The following CEP112 variants were observed in gnomAD, a reference collection of about 807,000 sequenced individuals.
The protein encoded by CEP112 is centrosomal protein 112, also known as centrosomal protein of 112 kDa.
In CEP112, 127 loss-of-function variants were observed where a neutral mutation model predicts 153.0. That is an observed-to-expected ratio of 0.83 (90% CI 0.72 to 0.96). CEP112 has a LOEUF of 0.96. Ranked by LOEUF, CEP112 falls within the 40% of genes least tolerant of loss-of-function variation. CEP112 has a pLI of 0.00. For missense variants in CEP112, 1,089 were observed against 1,101.2 expected, an observed-to-expected ratio of 0.99 and a Z score of 0.16; for synonymous variants, 358 against 374.4, an observed-to-expected ratio of 0.96 and a Z score of 0.51.
chr17:65,712,289 T>C (rs745920084), intron 23 of CEP112, among the ~76,000 whole-genome samples: 8 of 152,220 alleles, frequency 5.3e-5, no homozygotes, highest in Non-Finnish European at 7.3e-5. Flanking sequence ...GGGGCAATTA[T>C]GATCATTTCT....
intron 22 of CEP112, among the ~76,000 whole-genome samples, chr17:65,744,587 G>A (rs1005275071): frequency 6.6e-6 from 1 of 152,178 alleles, no homozygotes; most frequent in Non-Finnish European, 1.5e-5. Context: ...GTATTGCAGG[G>A]AAGTTTATAC....
chr17:66,011,898 T>C (rs1185953583), intron 16 of CEP112, among the ~76,000 whole-genome samples: 4 of 152,184 alleles, frequency 2.6e-5, no homozygotes, highest in Non-Finnish European at 1.5e-5. Flanking sequence ...TGAGTCTGGG[T>C]GCTCCTGTAT....
At chr17:65,850,086 G>A (rs1037957893) in intron 21 of CEP112, among the ~76,000 whole-genome samples, 9 of 149,280 alleles carry the variant, frequency 6.0e-5, no homozygotes, top group South Asian at 4.3e-4. Context: ...CCCAGGTGCC[G>A]GAAGTTGCAG....
At chr17:66,072,769 A>T (rs779634999) in intron 8 of CEP112, among the ~76,000 whole-genome samples, 9 of 152,136 alleles carry the variant, frequency 5.9e-5, no homozygotes, top group Non-Finnish European at 1.0e-4. Context: ...CATCTCTGGA[A>T]ACTCTTACCT....
At chr17:65,951,001 A>G (rs537171444) in intron 18 of CEP112, among the ~76,000 whole-genome samples, 23 of 152,074 alleles carry the variant, frequency 1.5e-4, no homozygotes, top group Admixed American at 1.2e-3. Flanking sequence ...CAATCACGTG[A>G]TTTTTTCCCT....
At position 65,993,089 on chromosome 17, in the gene CEP112, C is replaced by G. The variant is rs1892368919; in HGVS notation, c.1736+12601G>C. On this transcript the variant is annotated intron_variant, in intron 17 of 26. Transcript: ENST00000535342. ...AGCTATTTTTCCTAATGCTCTCTCTCCCCCACCTCACCCCCTAACAGGGCC... is the reference window on the plus strand; with the variant it reads ...AGCTATTTTTCCTAATGCTCTCTCTGCCCCACCTCACCCCCTAACAGGGCC... 5.3e-5 allele frequency among the ~76,000 whole-genome samples: 8 copies of G among 152,222 alleles called. No homozygotes were observed. The South Asian group carries it at 1.7e-3, about 32-fold the overall frequency.
chr17:66,069,322 C>T (rs1451299185), intron 9 of CEP112, among the ~76,000 whole-genome samples: 1 of 151,890 alleles, frequency 6.6e-6, no homozygotes, highest in Non-Finnish European at 1.5e-5. Context: ...ATAGTAACAA[C>T]CCAAATCCCA....
intron 17 of CEP112, among the ~76,000 whole-genome samples, chr17:65,992,901 A>G (rs930811839): frequency 5.3e-5 from 8 of 151,560 alleles, no homozygotes; most frequent in Non-Finnish European, 1.2e-4. Context: ...TGGAAGGCTT[A>G]ATTCTTCCCA....
At chr17:65,890,323 T>TCTTCATATATTA (rs2059419253) in intron 20 of CEP112, among the ~76,000 whole-genome samples, 1 of 152,210 alleles carries the variant, frequency 6.6e-6, no homozygotes, top group South Asian at 2.1e-4. Flanking sequence ...CTCAACATGG[T>TCTTCATATATTA]ACGTGTTCTT....
rs371601452 is a variant in CEP112, at chr17:65,668,582, C to T, written c.2697+20547G>A. Among the ~76,000 whole-genome samples, 8 of 152,270 alleles carry T rather than the reference C, an allele frequency of 5.3e-5. No individual in the cohort carries two copies. The East Asian group carries it at 5.8e-4, about 11-fold the overall frequency. ...AAACCACCTGCCTGTATGTGGCTTTCGGGAAGCAACATTCCTGTGATCACA... is the reference window on the plus strand; with the variant it reads ...AAACCACCTGCCTGTATGTGGCTTTTGGGAAGCAACATTCCTGTGATCACA... On this transcript the variant is annotated intron_variant, in intron 24 of 26. Coordinates refer to ENST00000535342, the MANE Select transcript of CEP112 (RefSeq NM_001199165.4).
chr17:65,640,820 C>A, intron 25 of CEP112, 144 bp downstream of exon 25: 1 of 571,678 alleles, frequency 1.7e-6, no homozygotes, highest in Non-Finnish European at 3.1e-6. Context: ...AAATTTAAAA[C>A]AAAATGAAAA....
intron 4 of CEP112, among the ~76,000 whole-genome samples, chr17:66,133,783 T>C (rs2070308878): frequency 6.6e-6 from 1 of 152,228 alleles, no homozygotes; most frequent in Non-Finnish European, 1.5e-5. Flanking sequence ...AACTGTGACC[T>C]ACACGAAGTA....
chr17:66,071,346 A>G, intron 8 of CEP112, among the ~76,000 whole-genome samples: 1 of 152,136 alleles, frequency 6.6e-6, no homozygotes. Context: ...TTTTGCAGAA[A>G]GGAGGCTAGA....
At chr17:65,858,024 T>C (rs1021614364) in intron 20 of CEP112, among the ~76,000 whole-genome samples, 1 of 152,220 alleles carries the variant, frequency 6.6e-6, no homozygotes, top group African/African-American at 2.4e-5. Context: ...TTGACATTTG[T>C]TGGCATTTAT....
chr17:65,813,384 T>G (rs1054925026), intron 21 of CEP112, among the ~76,000 whole-genome samples: 1 of 152,124 alleles, frequency 6.6e-6, no homozygotes, highest in African/African-American at 2.4e-5. Flanking sequence ...CAGAGCCTCG[T>G]TGGGAAATGA....
chr17:65,945,207 A>G (rs1446532482), intron 18 of CEP112, among the ~76,000 whole-genome samples: 1 of 152,178 alleles, frequency 6.6e-6, no homozygotes, highest in East Asian at 1.9e-4. Context: ...TATTAGGTAG[A>G]TTTGTAGACT....
intron 21 of CEP112, among the ~76,000 whole-genome samples, chr17:65,769,663 G>A (rs913784963): frequency 6.6e-6 from 1 of 152,034 alleles, no homozygotes; most frequent in Non-Finnish European, 1.5e-5. Flanking sequence ...ACACAGTGAG[G>A]AAAAGATAGT....
chr17:65,842,076 T>C (rs1040055641), intron 21 of CEP112, among the ~76,000 whole-genome samples: 2 of 152,216 alleles, frequency 1.3e-5, no homozygotes, highest in Admixed American at 1.3e-4. Context: ...CTAAGGCATT[T>C]TCATTTATTC....
At chr17:65,715,943 C>A (rs559728298) in intron 23 of CEP112, among the ~76,000 whole-genome samples, 16 of 152,208 alleles carry the variant, frequency 1.1e-4, no homozygotes, top group Admixed American at 3.3e-4. Flanking sequence ...GTTACTGTTG[C>A]TAATACTAAA....
Sources: allele counts gnomAD v4.1 joint callset (sites outside exome capture counted in the v4.1 genomes callset), GRCh38; gene constraint gnomAD v4.1.1; transcripts MANE v1.5; gene names NCBI Gene and HGNC (gene_info 2026-07-23, HGNC 2026-07-21).